Variants in FCHSD2 observed in about 807,000 individuals in gnomAD.
The protein encoded by FCHSD2 is F-BAR and double SH3 domains protein 2.
Under a neutral mutation model 108.1 loss-of-function variants are expected in FCHSD2, and 38 were observed. The observed-to-expected ratio is 0.35, with a 90% CI of 0.27 to 0.46. The LOEUF (loss-of-function observed/expected upper bound fraction) is 0.46. Ranked by LOEUF, FCHSD2 falls within the 20% of genes least tolerant of loss-of-function variation. FCHSD2 has a pLI of 1.00. For synonymous variants in FCHSD2, 279 were observed against 314.7 expected (o/e 0.89, Z 1.20); for missense variants, 751 against 897.8 (o/e 0.84, Z 2.09).
chr11:73,027,035 G>A (rs1484935072), intron 3 of FCHSD2, among the ~76,000 whole-genome samples: 2 of 152,100 alleles, frequency 1.3e-5, no homozygotes, highest in Non-Finnish European at 2.9e-5. Flanking sequence ...GAGTAATACA[G>A]AAAATTGGTA....
intron 3 of FCHSD2, among the ~76,000 whole-genome samples, chr11:73,028,901 A>G (rs958149564): frequency 7.9e-5 from 12 of 152,264 alleles, no homozygotes; most frequent in African/African-American, 2.4e-4. Context: ...GCCTTCTGCC[A>G]TAAGTTTCCT....
At chr11:72,845,892 T>A (rs1244646910) in intron 14 of FCHSD2, among the ~76,000 whole-genome samples, 1 of 152,142 alleles carries the variant, frequency 6.6e-6, no homozygotes, top group African/African-American at 2.4e-5. Context: ...ATAAGCTCAA[T>A]GAGGGCAAAG....
At chr11:72,875,830 G>A (rs2135222148) in intron 12 of FCHSD2, among the ~76,000 whole-genome samples, 1 of 152,290 alleles carries the variant, frequency 6.6e-6, no homozygotes, top group South Asian at 2.1e-4. Flanking sequence ...GGAAACAGAG[G>A]ACCCTCAGTA....
At chr11:72,913,925 G>C (rs193181761) in intron 9 of FCHSD2, among the ~76,000 whole-genome samples, 36 of 150,898 alleles carry the variant, frequency 2.4e-4, no homozygotes, top group African/African-American at 7.3e-4. Context: ...AAATAAATTA[G>C]AGATGATACA....
At chr11:72,990,044 T>C (rs61896232) in intron 5 of FCHSD2, among the ~76,000 whole-genome samples, 18 of 152,128 alleles carry the variant, frequency 1.2e-4, no homozygotes, top group Non-Finnish European at 2.6e-4. Flanking sequence ...CAGAAGCTGT[T>C]AGGTGTTAAG....
intron 2 of FCHSD2, among the ~76,000 whole-genome samples, chr11:73,096,986 G>GTTTTTTTTT (rs1400831147): frequency 1.0e-4 from 2 of 19,470 alleles, no homozygotes; most frequent in African/African-American, 2.8e-4. Flanking sequence ...TTCATTGATG[G>GTTTTTTTTT]ATTTTTTTTT....
At chr11:72,864,321 G>A (rs1437536805) in intron 13 of FCHSD2, among the ~76,000 whole-genome samples, 1 of 152,228 alleles carries the variant, frequency 6.6e-6, no homozygotes, top group Non-Finnish European at 1.5e-5. Context: ...AGCACTTTGG[G>A]AGGCCAACGT....
rs559690928 is a variant in FCHSD2 at position 72,959,988 on chromosome 11, C to T, written c.705+24100G>A. On this transcript the variant is annotated intron_variant, in intron 8 of 19. Coordinates refer to ENST00000409418, the MANE Select transcript of FCHSD2 (RefSeq NM_014824.3). ...ACAGATATATAGGAAGAAACCTACA[C>T]ACTTCAAACACATATTAATATAGGG... Among the ~76,000 whole-genome samples, 5 of 152,182 alleles carry T rather than the reference C, an allele frequency of 3.3e-5. No homozygotes were observed. The East Asian group carries it at 9.6e-4, about 29-fold the overall frequency.
intron 3 of FCHSD2, among the ~76,000 whole-genome samples, chr11:73,032,847 A>G (rs937541324): frequency 3.7e-4 from 57 of 152,158 alleles, no homozygotes; most frequent in African/African-American, 1.3e-3. Context: ...GTGAGACTGA[A>G]TAAGTAAGGG....
chr11:72,993,857 T>C (rs1056308641), intron 5 of FCHSD2, among the ~76,000 whole-genome samples: 4 of 152,070 alleles, frequency 2.6e-5, no homozygotes, highest in African/African-American at 9.7e-5. Context: ...TGTATACATA[T>C]GTAACTAACC....
intron 8 of FCHSD2, among the ~76,000 whole-genome samples, chr11:72,933,827 T>G (rs939948986): frequency 1.3e-5 from 2 of 152,130 alleles, no homozygotes; most frequent in Non-Finnish European, 2.9e-5. Context: ...AACTATTTAG[T>G]GCTGGGTACA....
rs571896294 is a variant in FCHSD2 at position 72,839,459 on chromosome 11, G to A, written c.2140-585C>T. On this transcript the variant is annotated intron_variant, in intron 19 of 19. Coordinates refer to ENST00000409418, the MANE Select transcript of FCHSD2 (RefSeq NM_014824.3). ...GAGTCCAAGTAAGAAGGCAACTTAG[G>A]AGACTTTTGTAATCCTCTGAATGAG... Among the ~76,000 whole-genome samples the A allele has an allele frequency of 3.3e-5, 5 of 152,290 alleles. No individual in the cohort carries two copies. The South Asian group carries it at 1.0e-3, about 32-fold the overall frequency.
intron 8 of FCHSD2, among the ~76,000 whole-genome samples, chr11:72,953,835 TAAGA>T (rs765392661): frequency 1.5e-4 from 23 of 152,174 alleles, no homozygotes; most frequent in Non-Finnish European, 2.8e-4. Flanking sequence ...TCTCTGGCAT[TAAGA>T]GCTTGCTTGA....
chr11:72,861,312 CA>C (rs1295826871), intron 13 of FCHSD2, among the ~76,000 whole-genome samples: 1 of 150,478 alleles, frequency 6.6e-6, no homozygotes, highest in Non-Finnish European at 1.5e-5. Flanking sequence ...TTAAAAGAGA[CA>C]ACTTACCAAA....
At chr11:73,137,163 G>A (rs140985202) in intron 2 of FCHSD2, among the ~76,000 whole-genome samples, 12 of 152,046 alleles carry the variant, frequency 7.9e-5, no homozygotes, top group African/African-American at 2.2e-4. Flanking sequence ...AATACCAAGA[G>A]GAGGCAAGTT....
intron 4 of FCHSD2, among the ~76,000 whole-genome samples, chr11:73,008,560 A>T (rs972744532): frequency 1.1e-4 from 16 of 152,178 alleles, no homozygotes; most frequent in African/African-American, 3.6e-4. Flanking sequence ...ACTGCAACTG[A>T]GGTGCCCAAA....
At chr11:73,072,382 T>C (rs923574542) in intron 3 of FCHSD2, among the ~76,000 whole-genome samples, 2 of 152,012 alleles carry the variant, frequency 1.3e-5, no homozygotes, top group Non-Finnish European at 2.9e-5. Context: ...CCACCATTTC[T>C]TTAATGAAGT....
chr11:72,929,667 A>G (rs1239621969), intron 8 of FCHSD2, among the ~76,000 whole-genome samples: 1 of 152,196 alleles, frequency 6.6e-6, no homozygotes, highest in Non-Finnish European at 1.5e-5. Flanking sequence ...TTGTGATTAG[A>G]AGGCAGATTG....
chr11:72,897,740 G>C (rs1023212974), intron 10 of FCHSD2, among the ~76,000 whole-genome samples: 1 of 152,174 alleles, frequency 6.6e-6, no homozygotes, highest in Admixed American at 6.5e-5. Context: ...CCATGTGTCA[G>C]CTGAATGACT....
Sources: gnomAD v4.1 joint callset for allele counts (sites outside exome capture counted in the v4.1 genomes callset) on GRCh38, gnomAD v4.1.1 for gene constraint, MANE v1.5 for transcripts, NCBI Gene and HGNC (gene_info 2026-07-23, HGNC 2026-07-21) for gene names.